Variants in TMEM232 observed in about 807,000 individuals in gnomAD.
TMEM232 encodes the protein transmembrane protein 232.
Under a neutral mutation model 78.8 loss-of-function variants are expected in TMEM232, and 80 were observed. The observed-to-expected ratio is 1.01, with a 90% CI of 0.85 to 1.22. The LOEUF is 1.22. TMEM232 is among the 50% of genes most tolerant of loss of function. TMEM232 has a pLI of 0.00. For synonymous variants in TMEM232, 297 were observed against 254.3 expected, an observed-to-expected ratio of 1.17 and a Z score of -1.60; for missense variants, 881 against 742.2, an observed-to-expected ratio of 1.19 and a Z score of -2.17.
chr5:110,629,312 A>G (rs982575881), intron 5 of TMEM232, among the ~76,000 whole-genome samples: 2 of 152,148 alleles, frequency 1.3e-5, no homozygotes, highest in Admixed American at 6.5e-5. Flanking sequence ...CAGCATGAAT[A>G]ACATTTGTAT....
chr5:110,621,618 C>A (rs1240303464), intron 7 of TMEM232, among the ~76,000 whole-genome samples: 2 of 152,056 alleles, frequency 1.3e-5, no homozygotes, highest in East Asian at 3.9e-4. Context: ...TCTTTTACCA[C>A]AGATAGTTTG....
At chr5:110,570,353 A>C (rs528304190) in intron 10 of TMEM232, among the ~76,000 whole-genome samples, 1 of 152,146 alleles carries the variant, frequency 6.6e-6, no homozygotes, top group African/African-American at 2.4e-5. Flanking sequence ...GTTTTCTTAA[A>C]CCATTTTCTT....
intron 11 of TMEM232, among the ~76,000 whole-genome samples, chr5:110,548,646 A>G (rs1774078764): frequency 6.6e-6 from 1 of 151,950 alleles, no homozygotes. Flanking sequence ...AGTAAATAAC[A>G]AAACATAGAA....
At chr5:110,557,492 A>C (rs1248821548) in intron 11 of TMEM232, among the ~76,000 whole-genome samples, 1 of 152,164 alleles carries the variant, frequency 6.6e-6, no homozygotes, top group Non-Finnish European at 1.5e-5. Context: ...CCTGAGCTGG[A>C]TAATTTATAA....
chr5:110,571,357 T>G (rs1212401208), intron 10 of TMEM232, among the ~76,000 whole-genome samples: 2 of 151,990 alleles, frequency 1.3e-5, no homozygotes, highest in East Asian at 3.9e-4. Flanking sequence ...GGGGCTGAAG[T>G]GTTTCTTGGA....
rs1029800918 is a variant in TMEM232 at position 110,549,650 on chromosome 5, C to T, written c.1455+18797G>A. On this transcript the variant is annotated intron_variant, in intron 11 of 13. Coordinates refer to ENST00000455884, the MANE Select transcript of TMEM232 (RefSeq NM_001039763.4). ...AAAAAAGACTGAGAAGTTCATAAGG[C>T]CTTGGAATGACAGATTAAAATAAGA... is the stretch of plus-strand genomic sequence containing the variant. 2.4e-4 allele frequency among the ~76,000 whole-genome samples: 36 copies of T among 147,532 alleles called. 1 individual carries two copies. Among genetic ancestry groups the T allele is most frequent in the Admixed American group, 2.1e-3 (31 of 14,798 alleles).
chr5:110,584,033 G>T (rs1778518962), intron 10 of TMEM232, among the ~76,000 whole-genome samples: 1 of 149,768 alleles, frequency 6.7e-6, no homozygotes. Flanking sequence ...TGGAATCCCT[G>T]CAGTACACTA....
chr5:110,409,233 G>A (rs1454154694), intron 2 of TMEM232, among the ~76,000 whole-genome samples: 1 of 152,094 alleles, frequency 6.6e-6, no homozygotes, highest in Non-Finnish European at 1.5e-5. Flanking sequence ...ATGTCTGTCT[G>A]CACACAAACT....
intron 1 of TMEM232, among the ~76,000 whole-genome samples, chr5:110,674,688 C>CA (rs752685709): frequency 3.9e-5 from 6 of 152,088 alleles, no homozygotes; most frequent in Non-Finnish European, 8.8e-5. Flanking sequence ...AGTTAATTGA[C>CA]AAAAAAGAGT....
At chr5:110,606,369 T>C (rs1029206900) in intron 8 of TMEM232, 82 bp from the exon 9 acceptor site, 3 of 1,357,550 alleles carry the variant, frequency 2.2e-6, no homozygotes, top group African/African-American at 2.9e-5. Flanking sequence ...AAAAATGAAA[T>C]AGGTCAGAGG....
intron 2 of TMEM232, among the ~76,000 whole-genome samples, chr5:110,656,390 T>A (rs1789058186): frequency 1.3e-5 from 2 of 152,232 alleles, no homozygotes; most frequent in African/African-American, 4.8e-5. Context: ...CAACACAGCC[T>A]TATATCCTTA....
chr5:110,491,043 C>G (rs1426052953), intron 12 of TMEM232, among the ~76,000 whole-genome samples: 1 of 152,044 alleles, frequency 6.6e-6, no homozygotes, highest in Non-Finnish European at 1.5e-5. Context: ...TGAAAATCCA[C>G]ACAATGGAAA....
intron 11 of TMEM232, among the ~76,000 whole-genome samples, chr5:110,561,848 CACTTATTG>C (rs1405000397): frequency 6.6e-6 from 1 of 152,006 alleles, no homozygotes. Context: ...CTGGATAATG[CACTTATTG>C]ACATGGCAGT....
At chr5:110,701,693 T>C (rs1015860526) in intron 1 of TMEM232, among the ~76,000 whole-genome samples, 2 of 152,028 alleles carry the variant, frequency 1.3e-5, no homozygotes, top group African/African-American at 2.4e-5. Context: ...ACCTAGAATG[T>C]TATGCCTCAA....
chr5:110,526,757 C>A lies in TMEM232; in HGVS notation c.1703+1831G>T, dbSNP rs148284934. Among the ~76,000 whole-genome samples, 3 of 152,020 alleles carry A rather than the reference C, an allele frequency of 2.0e-5. No homozygotes were observed. The East Asian group carries it at 5.8e-4, about 29-fold the overall frequency. On this transcript the variant is annotated intron_variant, in intron 12 of 13. Transcript: ENST00000455884. ...TAAAAGACATATGTAAATGGTTATTCTTTGTGGCATTGTGTCTAGTACACA... is the reference window on the plus strand; with the variant it reads ...TAAAAGACATATGTAAATGGTTATTATTTGTGGCATTGTGTCTAGTACACA...
At chr5:110,629,764 C>T (rs113185703) in intron 5 of TMEM232, among the ~76,000 whole-genome samples, 4 of 152,094 alleles carry the variant, frequency 2.6e-5, no homozygotes, top group Admixed American at 1.3e-4. Context: ...AGAATCTTGA[C>T]GATCACTGCA....
chr5:110,641,813 C>G (rs182819881), intron 3 of TMEM232, among the ~76,000 whole-genome samples: 1 of 152,136 alleles, frequency 6.6e-6, no homozygotes, highest in East Asian at 1.9e-4. Context: ...GTTTTGATAT[C>G]TATTTGTAAA....
At chr5:110,599,104 A>T (rs1471434412) in intron 10 of TMEM232, among the ~76,000 whole-genome samples, 1 of 152,152 alleles carries the variant, frequency 6.6e-6, no homozygotes, top group Non-Finnish European at 1.5e-5. Context: ...AAAATCCTTT[A>T]GAGACAAGGA....
At chr5:110,524,407 GAAAGAAAGAAAAGAAAAGAAAAGA>G (rs1561623977) in intron 12 of TMEM232, among the ~76,000 whole-genome samples, 1,643 of 87,046 alleles carry the variant, frequency 0.019, 21 homozygotes, top group African/African-American at 0.058. Context: ...AAGAAAGAAA[GAAAGAAAGAAAAGAAAAGAAAAGA>G]AAAGAAAAGA....
Sources: allele counts gnomAD v4.1 joint callset (sites outside exome capture counted in the v4.1 genomes callset), GRCh38; gene constraint gnomAD v4.1.1; transcripts MANE v1.5; gene names NCBI Gene and HGNC (gene_info 2026-07-23, HGNC 2026-07-21).